MAP6: variants seen among roughly 807,000 people sequenced by gnomAD.
MAP6 encodes microtubule associated protein 6.
A neutral mutation model predicts 42.4 loss-of-function variants in MAP6; 26 were observed. That is an observed-to-expected ratio of 0.61 (90% CI 0.45 to 0.85). The LOEUF (loss-of-function observed/expected upper bound fraction) is 0.85, where lower values mean the gene tolerates loss of function less well. Among genes scored for constraint, MAP6 ranks in the 40% least tolerant of loss-of-function variants. MAP6 has a pLI of 0.00. For missense variants in MAP6, 966 were observed against 1,099.0 expected, an observed-to-expected ratio of 0.88 and a Z score of 1.71; for synonymous variants, 418 against 443.8, an observed-to-expected ratio of 0.94 and a Z score of 0.73.
chr11:75,588,230 A>G lies in MAP6; in HGVS notation c.1317-46T>C, dbSNP rs757126063. The G allele has an allele frequency of 4.5e-6, 7 of 1,559,668 alleles. No individual in the cohort carries two copies. The Admixed American group carries it at 1.1e-4, about 24-fold the overall frequency. On this transcript the variant is annotated intron_variant, in intron 3 of 3. Transcript: ENST00000304771. ...ATCACTGTGAGAGTAGAGCTCAGGC[A>G]GGGACAGGGCAGAGTACAGATTGCC...
intron 1 of MAP6, among the ~76,000 whole-genome samples, chr11:75,660,365 C>A (rs1322487135): frequency 6.6e-6 from 1 of 152,182 alleles, no homozygotes; most frequent in African/African-American, 2.4e-5. Context: ...CCCTCAAACA[C>A]CTCTTGTTAG....
intron 2 of MAP6, among the ~76,000 whole-genome samples, chr11:75,606,326 C>T (rs1374836458): frequency 6.6e-6 from 1 of 152,182 alleles, no homozygotes; most frequent in East Asian, 1.9e-4. Context: ...GTTAACACCT[C>T]ATCACGTTGC....
At chr11:75,605,769 A>G (rs568733656) in intron 3 of MAP6, 39 bp downstream of exon 3, 49 of 1,596,062 alleles carry the variant, frequency 3.1e-5, no homozygotes, top group Middle Eastern at 3.3e-4. Flanking sequence ...GGGGAGGGAG[A>G]GAGAGAGAAG....
chr11:75,649,325 C>T (rs1384353932), intron 1 of MAP6, among the ~76,000 whole-genome samples: 1 of 152,080 alleles, frequency 6.6e-6, no homozygotes, highest in Non-Finnish European at 1.5e-5. Flanking sequence ...TGTAGGATGC[C>T]ATGTCAGAAA....
In MAP6 at chr11:75,668,293, A is replaced by G; in HGVS notation, c.77T>C (p.Val26Ala). Residue 26 changes from valine (V) to alanine (A), a missense_variant, in exon 1 of 4, where the codon GTG becomes GCG. Val to Ala is a moderately conservative substitution (Grantham distance 64). Transcript: ENST00000304771. The stretch of plus-strand genomic sequence containing the variant: ...CGAGTACTTGGTGAAAACCAGCGGC[A>G]CAGCGATGTCCGCTTTGTCCAACTG... The part of the protein sequence containing the change: ...WNQLDKADIA[V>A]PLVFTKYSEA... 6.4e-7 allele frequency: 1 copy of G among 1,566,562 alleles called. No homozygotes were observed. Among genetic ancestry groups the G allele is most frequent in the Non-Finnish European group, 8.6e-7 (1 of 1,164,334 alleles).
At chr11:75,618,849 A>G (rs1374628668) in intron 1 of MAP6, among the ~76,000 whole-genome samples, 1 of 152,044 alleles carries the variant, frequency 6.6e-6, no homozygotes, top group Non-Finnish European at 1.5e-5. Flanking sequence ...ATAGTGCCAA[A>G]CCCTTTGTCT....
At position 75,667,791 on chromosome 11, in the gene MAP6, C is replaced by T. The variant is rs1345977558; in HGVS notation, c.579G>A (p.Ala193=). 7.7e-7 allele frequency: 1 copy of T among 1,306,564 alleles called. No individual in the cohort carries two copies. The highest frequency in any genetic ancestry group is 3.1e-5 in the East Asian group (1 of 31,958). The allele number at this position is 1,306,564 out of a possible 1,614,324, so 80.9% of individuals were successfully genotyped here. A position where few individuals can be genotyped will look rare whatever the true frequency, so the allele number is the denominator to read the frequency against. ...ASQASAPILG[A]PKRRPQSQER... is the part of the protein sequence containing the mutation. ...CCTGGCTCTGCGGCCGGCGCTTGGG[C>T]GCCCCGAGAATGGGCGCCGACGCCT... is the stretch of plus-strand genomic sequence containing the variant. The change falls in exon 1 of 4, where the codon GCG becomes GCA. Residue 193 remains alanine (A), a synonymous_variant. Coordinates refer to ENST00000304771, the MANE Select transcript of MAP6 (RefSeq NM_033063.2). The surrounding 1 kb of genome is among the most constrained non-coding windows in gnomAD (Gnocchi z 5.6).
intron 1 of MAP6, among the ~76,000 whole-genome samples, chr11:75,611,138 T>G (rs887109256): frequency 2.0e-5 from 3 of 152,224 alleles, no homozygotes; most frequent in Non-Finnish European, 2.9e-5. Context: ...AGTCCCTCCC[T>G]CCTTCCCTCT....
intron 1 of MAP6, among the ~76,000 whole-genome samples, chr11:75,623,854 T>C (rs1232010658): frequency 6.6e-6 from 1 of 152,196 alleles, no homozygotes; most frequent in Non-Finnish European, 1.5e-5. Flanking sequence ...CCACTTCTAT[T>C]GCATTTTGTG....
chr11:75,668,662 T>A lies in MAP6; in HGVS notation c.-293A>T. 4.1e-6 allele frequency: 1 copy of A among 246,656 alleles called. No homozygotes were observed. The highest frequency in any genetic ancestry group is 7.7e-6 in the Non-Finnish European group (1 of 129,684). The allele number at this position is 246,656 out of a possible 1,614,324, so 15.3% of individuals were successfully genotyped here. A position where few individuals can be genotyped will look rare whatever the true frequency, so the allele number is the denominator to read the frequency against. ...TTCCCGAGTCCCCGGCGAGGGTGTC[T>A]GGGACGCGCCCCTCCCTGCGGCTGC... is the stretch of plus-strand genomic sequence containing the variant. On this transcript the variant is annotated 5_prime_UTR_variant, in exon 1 of 4. Coordinates refer to ENST00000304771, the MANE Select transcript of MAP6 (RefSeq NM_033063.2).
At chr11:75,625,996 T>C (rs1352051813) in intron 1 of MAP6, among the ~76,000 whole-genome samples, 1 of 152,088 alleles carries the variant, frequency 6.6e-6, no homozygotes, top group Non-Finnish European at 1.5e-5. Context: ...CTTATATTGC[T>C]CTCTTTCTAG....
chr11:75,605,293 C>T (rs1297275474), intron 3 of MAP6: 5 of 986,038 alleles, frequency 5.1e-6, no homozygotes, highest in Non-Finnish European at 4.8e-6. Flanking sequence ...AAGGTTGTTT[C>T]TTTTTTTGTT....
chr11:75,590,489 A>C (rs1942458303), intron 3 of MAP6, among the ~76,000 whole-genome samples: 1 of 152,088 alleles, frequency 6.6e-6, no homozygotes, highest in Admixed American at 6.5e-5. Context: ...CTCCTGTGCC[A>C]CCTACCAAAT....
At chr11:75,666,190 T>C (rs1943942834) in intron 1 of MAP6, among the ~76,000 whole-genome samples, 1 of 152,102 alleles carries the variant, frequency 6.6e-6, no homozygotes. Context: ...ATTACTTTCA[T>C]ACAGATCTTC....
At chr11:75,634,424 G>A (rs1943335628) in intron 1 of MAP6, among the ~76,000 whole-genome samples, 1 of 152,150 alleles carries the variant, frequency 6.6e-6, no homozygotes, top group Non-Finnish European at 1.5e-5. Flanking sequence ...CTGCAGGCAT[G>A]TGCCACCACA....
In MAP6 at chr11:75,587,159, G is replaced by A. The variant is rs867318085; in HGVS notation, c.2342C>T (p.Thr781Ile). 1 of 1,614,040 alleles carries A rather than the reference G, an allele frequency of 6.2e-7. No individual in the cohort carries two copies. The highest frequency in any genetic ancestry group is 8.5e-7 in the Non-Finnish European group (1 of 1,179,948). Residue 781 changes from threonine (T) to isoleucine (I), a missense_variant, in exon 4 of 4, where the codon ACT becomes ATT. Transcript: ENST00000304771. ...TAGCTGAGGGTCCCTGGGACCTTGA[G>A]TCTTCAGAGGTTCAGGGACTGCAGG... ...QGPAVPEPLK[T>I]QGPRDPQLPT...
intron 3 of MAP6, among the ~76,000 whole-genome samples, chr11:75,594,868 C>T (rs1303700369): frequency 6.6e-6 from 1 of 152,164 alleles, no homozygotes; most frequent in Non-Finnish European, 1.5e-5. Context: ...AAACACACAC[C>T]ACAAACATGA....
At chr11:75,635,933 A>G (rs1003757434) in intron 1 of MAP6, 8 of 152,242 alleles carry the variant, frequency 5.3e-5, no homozygotes, top group African/African-American at 1.9e-4. Flanking sequence ...ACCCAAGTGT[A>G]ATGTTTTACC....
At chr11:75,629,127 A>G (rs559587624) in intron 1 of MAP6, among the ~76,000 whole-genome samples, 1 of 152,262 alleles carries the variant, frequency 6.6e-6, no homozygotes, top group South Asian at 2.1e-4. Context: ...CTTGCTCTTT[A>G]CTCAGGCTGG....
Sources: allele counts gnomAD v4.1 joint callset (sites outside exome capture counted in the v4.1 genomes callset), GRCh38; gene constraint gnomAD v4.1.1; non-coding constraint Gnocchi (gnomAD v3.1); transcripts MANE v1.5; gene names NCBI Gene and HGNC (gene_info 2026-07-23, HGNC 2026-07-21).